SKAP2: variants seen among roughly 807,000 people sequenced by gnomAD.
The protein encoded by SKAP2 is src kinase-associated phosphoprotein 2.
A neutral mutation model predicts 54.9 loss-of-function variants in SKAP2; 28 were observed. That is an observed-to-expected ratio of 0.51 (90% CI 0.38 to 0.70). The LOEUF is 0.70. Ranked by LOEUF, SKAP2 falls within the 30% of genes least tolerant of loss-of-function variation. SKAP2 has a pLI of 0.00. For synonymous variants in SKAP2, 137 were observed against 134.3 expected (o/e 1.02, Z -0.14); for missense variants, 356 against 424.1 (o/e 0.84, Z 1.41).
intron 9 of SKAP2, among the ~76,000 whole-genome samples, chr7:26,705,092 T>C (rs563673993): frequency 6.6e-6 from 1 of 152,284 alleles, no homozygotes; most frequent in Admixed American, 6.5e-5. Context: ...CCTGCCACCT[T>C]AGGGGCCTAG....
chr7:26,800,613 TAAG>T (rs1783892799), intron 4 of SKAP2, among the ~76,000 whole-genome samples: 1 of 151,710 alleles, frequency 6.6e-6, no homozygotes, highest in Non-Finnish European at 1.5e-5. Flanking sequence ...TTAGCCACAC[TAAG>T]AAAAAGAGAA....
At chr7:26,748,023 G>A (rs727450) in intron 4 of SKAP2, among the ~76,000 whole-genome samples, 124,340 of 152,028 alleles carry the variant, frequency 0.82, 51,464 homozygotes, top group African/African-American at 0.95. Context: ...TATATGACAC[G>A]GAGTCCAATT....
At chr7:26,741,668 C>T (rs980571264) in intron 4 of SKAP2, among the ~76,000 whole-genome samples, 2 of 151,958 alleles carry the variant, frequency 1.3e-5, no homozygotes, top group African/African-American at 4.8e-5. Flanking sequence ...CCTCATTTAT[C>T]CTGATGTGAT....
intron 9 of SKAP2, among the ~76,000 whole-genome samples, chr7:26,692,774 T>A (rs538148769): frequency 3.3e-5 from 5 of 152,140 alleles, no homozygotes; most frequent in Non-Finnish European, 7.3e-5. Flanking sequence ...TAATAGGGTG[T>A]TTCCATATAA....
chr7:26,790,895 T>C lies in SKAP2; in HGVS notation c.308-50931A>G, dbSNP rs1281441853. Among the ~76,000 whole-genome samples, 7 of 152,352 alleles carry C rather than the reference T, an allele frequency of 4.6e-5. No individual in the cohort carries two copies. The East Asian group carries it at 1.3e-3, about 29-fold the overall frequency. On this transcript the variant is annotated intron_variant, in intron 4 of 12. Transcript: ENST00000345317. ...TTGAATATAGCAACATTTTCTATTA[T>C]GCCTAAGACACCAGAGGACTTCATA...
intron 9 of SKAP2, among the ~76,000 whole-genome samples, chr7:26,703,036 C>T (rs779053616): frequency 5.9e-5 from 9 of 152,196 alleles, no homozygotes; most frequent in African/African-American, 2.2e-4. Flanking sequence ...TTTGGCTGAG[C>T]TGGAGAAGGT....
intron 11 of SKAP2, among the ~76,000 whole-genome samples, chr7:26,682,507 T>G (rs1198402698): frequency 1.3e-5 from 2 of 152,192 alleles, no homozygotes; most frequent in Admixed American, 6.6e-5. Flanking sequence ...CACTGAACCT[T>G]ATTCAGCCAA....
chr7:26,665,448 C>T (rs1453140256), downstream of SKAP2, among the ~76,000 whole-genome samples: 1 of 152,108 alleles, frequency 6.6e-6, no homozygotes, highest in Non-Finnish European at 1.5e-5. Context: ...ATTTTCTCTA[C>T]CAGGTTTACT....
chr7:26,834,363 T>C (rs753893319), intron 4 of SKAP2, among the ~76,000 whole-genome samples: 14 of 151,706 alleles, frequency 9.2e-5, no homozygotes, highest in Non-Finnish European at 1.9e-4. Flanking sequence ...CTGAAGGAGA[T>C]AGAGACACAA....
chr7:26,799,109 G>T (rs373598462), intron 4 of SKAP2, among the ~76,000 whole-genome samples: 1 of 137,032 alleles, frequency 7.3e-6, no homozygotes, highest in African/African-American at 2.6e-5. Context: ...GCAAGGCAAG[G>T]CAAGACAAGG....
chr7:26,717,838 A>C (rs1787492757), intron 9 of SKAP2, among the ~76,000 whole-genome samples: 1 of 151,422 alleles, frequency 6.6e-6, no homozygotes, highest in African/African-American at 2.4e-5. Context: ...TCTCAAAAAA[A>C]ATAAAAAAAT....
At chr7:26,673,253 T>A (rs2128084167) in intron 11 of SKAP2, among the ~76,000 whole-genome samples, 1 of 152,220 alleles carries the variant, frequency 6.6e-6, no homozygotes, top group South Asian at 2.1e-4. Context: ...ATCCTTCACC[T>A]ATTCAGCTCT....
chr7:26,707,712 G>C (rs1054804404), intron 9 of SKAP2, among the ~76,000 whole-genome samples: 7 of 152,104 alleles, frequency 4.6e-5, no homozygotes, highest in Non-Finnish European at 8.8e-5. Flanking sequence ...CCTGTGAGAA[G>C]CACAGAGATA....
intron 4 of SKAP2, among the ~76,000 whole-genome samples, chr7:26,741,819 C>A (rs1253876835): frequency 6.7e-6 from 1 of 149,856 alleles, no homozygotes; most frequent in Admixed American, 6.6e-5. Flanking sequence ...CCTAATTTTA[C>A]CAGTTTTTTT....
At chr7:26,810,816 G>C (rs1217841040) in intron 4 of SKAP2, among the ~76,000 whole-genome samples, 1 of 152,000 alleles carries the variant, frequency 6.6e-6, no homozygotes, top group African/African-American at 2.4e-5. Flanking sequence ...CGCGTAGCTG[G>C]GACTACAGGC....
chr7:26,780,621 AT>A (rs1330324633), intron 4 of SKAP2, among the ~76,000 whole-genome samples: 2 of 152,092 alleles, frequency 1.3e-5, no homozygotes, highest in Admixed American at 6.6e-5. Flanking sequence ...TTTTTCAATC[AT>A]TAAAAATATA....
intron 4 of SKAP2, among the ~76,000 whole-genome samples, chr7:26,818,056 C>T (rs1340103534): frequency 2.0e-5 from 3 of 152,036 alleles, no homozygotes; most frequent in Non-Finnish European, 2.9e-5. Context: ...CAAGCTACCA[C>T]TGACTTTCTT....
intron 4 of SKAP2, among the ~76,000 whole-genome samples, chr7:26,805,262 T>C (rs914611099): frequency 2.6e-5 from 4 of 152,246 alleles, no homozygotes; most frequent in African/African-American, 9.6e-5. Flanking sequence ...ACAGAAAATG[T>C]CTCTAGACAG....
At chr7:26,703,321 T>C (rs185092221) in intron 9 of SKAP2, among the ~76,000 whole-genome samples, 330 of 152,332 alleles carry the variant, frequency 2.2e-3, no homozygotes, top group Non-Finnish European at 3.6e-3. Flanking sequence ...GGATTGGACA[T>C]GGTTGTCCTA....
Sources: allele counts gnomAD v4.1 joint callset (sites outside exome capture counted in the v4.1 genomes callset), GRCh38; gene constraint gnomAD v4.1.1; transcripts MANE v1.5; gene names NCBI Gene and HGNC (gene_info 2026-07-23, HGNC 2026-07-21).